The following SEC16A variants were observed in gnomAD, a reference collection of about 807,000 sequenced individuals.
SEC16A encodes SEC16 homolog A, endoplasmic reticulum export factor, also known as protein transport protein Sec16A.
Under a neutral mutation model 221.9 loss-of-function variants are expected in SEC16A, and 110 were observed. The ratio of observed to expected loss-of-function variants is 0.50; its 90% confidence interval spans 0.42 to 0.58. The LOEUF (loss-of-function observed/expected upper bound fraction) is 0.58, where lower values mean the gene tolerates loss of function less well. Among genes scored for constraint, SEC16A ranks in the 20% least tolerant of loss-of-function variants. The pLI, the probability that SEC16A is intolerant of heterozygous loss-of-function variation, is 0.00. For synonymous variants in SEC16A, 1,393 were observed against 1,257.7 expected (o/e 1.11, Z -2.28); for missense variants, 3,165 against 3,097.8 (o/e 1.02, Z -0.52).
Position 136,441,812 on chromosome 9 carries a change from G to C in SEC16A, c.7017C>G (p.Thr2339=). 1 of 1,613,066 alleles carries C rather than the reference G, an allele frequency of 6.2e-7. No individual in the cohort carries two copies. The highest frequency in any genetic ancestry group is 8.5e-7 in the Non-Finnish European group (1 of 1,179,742). The change falls in exon 32 of 32, where the codon ACC becomes ACG. Residue 2339 remains threonine (T), a synonymous_variant. Coordinates refer to ENST00000684901, the MANE Select transcript of SEC16A (RefSeq NM_014866.2). ...NPAQLAQACA[T]SGSSRLGRIG... ...TCCTCCCTAGCCTTGAGCTCCCGGAGGTGGCGCAGGCCTGGAATGAAATCA... is the reference window on the plus strand; with the variant it reads ...TCCTCCCTAGCCTTGAGCTCCCGGACGTGGCGCAGGCCTGGAATGAAATCA...
chr9:136,440,319 C>T lies in SEC16A; in HGVS notation c.*1436G>A, dbSNP rs1199336136. On this transcript the variant is annotated 3_prime_UTR_variant, in exon 32 of 32. Coordinates refer to ENST00000684901, the MANE Select transcript of SEC16A (RefSeq NM_014866.2). The stretch of plus-strand genomic sequence containing the variant: ...TGCCCCGTCACAGGGACTGGCCTTT[C>T]TCCAAGTGACAAGGACAAATGGATC... 1 of 152,390 alleles carries T rather than the reference C, an allele frequency of 6.6e-6. No individual in the cohort carries two copies. 9.4% of individuals were successfully genotyped at this position (152,390 alleles called of 1,614,324 possible).
intron 18 of SEC16A, 73 bp downstream of exon 18, chr9:136,457,371 C>G: frequency 6.7e-7 from 1 of 1,503,306 alleles, no homozygotes; most frequent in Non-Finnish European, 9.0e-7. Flanking sequence ...TACCCCCATG[C>G]CCGGGGGCTC....
In SEC16A at chr9:136,476,710, G is replaced by T; in HGVS notation, c.906C>A (p.Phe302Leu). The change falls in exon 3 of 32, where the codon TTC (phenylalanine) becomes TTA (leucine). Residue 302 changes from phenylalanine to leucine, a missense_variant. Around this residue, in one of 3 missense-constraint regions of SEC16A, gnomAD observed 2,030 missense variants for 1,923.1 expected, o/e 1.06. Coordinates refer to ENST00000684901, the MANE Select transcript of SEC16A (RefSeq NM_014866.2). ...GATTCACAATTCTGGGATTTTGCCT[G>T]AATGTACTTTCAGGATCAGAGTTAT... ...LANNSDPEST[F>L]RQNPRIVNHW... The T allele has an allele frequency of 6.3e-7, 1 of 1,587,346 alleles. No homozygotes were observed. The highest frequency in any genetic ancestry group is 8.6e-7 in the Non-Finnish European group (1 of 1,164,230).
chr9:136,471,265 G>A (rs778080027), intron 4 of SEC16A, among the ~76,000 whole-genome samples: 1 of 151,686 alleles, frequency 6.6e-6, no homozygotes, highest in African/African-American at 2.4e-5. Flanking sequence ...CCAGGAGTTC[G>A]AGACCAGCCT....
In SEC16A at chr9:136,446,278, G is replaced by GT. The variant is rs928844910; in HGVS notation, c.6793-560dup. On this transcript the variant is annotated intron_variant, in intron 28 of 31. Coordinates refer to ENST00000684901, the MANE Select transcript of SEC16A (RefSeq NM_014866.2). ...CCGCCACCACACCCAGGTAAATTTT[G>GT]TTTTTTTTTTAGTAGAGATGGGGTT... Among the ~76,000 whole-genome samples, 841 of 144,546 alleles carry GT rather than the reference G, an allele frequency of 5.8e-3. 2 individuals are homozygous for GT. The highest frequency in any genetic ancestry group is 0.018 in the East Asian group (89 of 5,000). 94.8% of individuals were successfully genotyped at this position (144,546 alleles called of 152,430 possible).
In SEC16A at chr9:136,459,243, T is replaced by C; in HGVS notation, c.5304-4A>G. ...TGCGAACTTTAAGAATGGCAAACTG[T>C]AGAGGAAGTGAATTATTTTGATTTG... On this transcript the variant is annotated splice_region_variant and splice_polypyrimidine_tract_variant and intron_variant, in intron 16 of 31. Coordinates refer to ENST00000684901, the MANE Select transcript of SEC16A (RefSeq NM_014866.2). The surrounding 1 kb of genome is among the most constrained non-coding windows in gnomAD (Gnocchi z 6.1). 6.2e-7 allele frequency: 1 copy of C among 1,609,848 alleles called. No homozygotes were observed. The highest frequency in any genetic ancestry group is 8.5e-7 in the Non-Finnish European group (1 of 1,178,178).
chr9:136,444,572 T>C (rs1349893258), intron 30 of SEC16A, among the ~76,000 whole-genome samples: 1 of 152,116 alleles, frequency 6.6e-6, no homozygotes, highest in African/African-American at 2.4e-5. Flanking sequence ...AGTTGCCCCA[T>C]GTATGTGGAG....
At position 136,475,829 on chromosome 9, in the gene SEC16A, G is replaced by A. The variant is rs985192687; in HGVS notation, c.1787C>T (p.Pro596Leu). The change falls in exon 3 of 32, where the codon CCC (proline) becomes CTC (leucine). Residue 596 changes from proline to leucine, a missense_variant. Physicochemically the swap from Pro to Leu is moderately conservative, Grantham distance 98 (BLOSUM62 -3). This residue lies in a region of SEC16A where 2,030 missense variants were observed against 1,923.1 expected (regional missense o/e 1.06). Coordinates refer to ENST00000684901, the MANE Select transcript of SEC16A (RefSeq NM_014866.2). This position sits in a 1 kb window ranked among gnomAD's most constrained non-coding sequence, Gnocchi z 5.0. ...GSVSQPSTPSPPKPTGIFQTS... is the reference protein window; with the variant it reads ...GSVSQPSTPSLPKPTGIFQTS... ...CTGAAATATTCCTGTAGGTTTCGGG[G>A]GGCTCGGGGTTGAGGGCTGGGACAC... 27 of 1,582,556 alleles carry A rather than the reference G, an allele frequency of 1.7e-5. No individual in the cohort carries two copies. The highest frequency in any genetic ancestry group is 2.7e-5 in the African/African-American group (2 of 74,228).
chr9:136,477,929 A>C (rs1478445932), intron 2 of SEC16A, among the ~76,000 whole-genome samples: 1 of 152,050 alleles, frequency 6.6e-6, no homozygotes, highest in Non-Finnish European at 1.5e-5. Context: ...GTATGTCTAG[A>C]TGGCCACTCC....
rs1410273629 is a variant in SEC16A, at chr9:136,457,449, C to A, written c.5545G>T (p.Val1849Leu). The A allele has an allele frequency of 6.2e-7, 1 of 1,602,966 alleles. No homozygotes were observed. The highest frequency in any genetic ancestry group is 8.5e-7 in the Non-Finnish European group (1 of 1,174,156). Residue 1849 changes from valine (V) to leucine (L), a missense_variant, in exon 18 of 32, where the codon GTG (valine) becomes TTG (leucine). Physicochemically the swap from Val to Leu is conservative, Grantham distance 32. Around this residue, in one of 3 missense-constraint regions of SEC16A, gnomAD observed 1,088 missense variants for 1,089.6 expected, o/e 1.00. Coordinates refer to ENST00000684901, the MANE Select transcript of SEC16A (RefSeq NM_014866.2). The stretch of plus-strand genomic sequence containing the variant: ...ACAGGCGCCAGGGGCAGCACCTGCA[C>A]AAGCTGGCTGATCAACACCGGGGAA... Reference protein sequence around the residue: ...LYSPVLISQLVQMASQLRLFD... With the variant: ...LYSPVLISQLLQMASQLRLFD...
In SEC16A at chr9:136,447,638, C is replaced by G. The variant is rs1335955741; in HGVS notation, c.6490G>C (p.Val2164Leu). 1.2e-6 allele frequency: 2 copies of G among 1,613,558 alleles called. No individual in the cohort carries two copies. The highest frequency in any genetic ancestry group is 2.2e-5 in the East Asian group (1 of 44,884). Reference sequence around the variant, plus strand: ...GGGAGGGCAGGCGGGGCAGCTTGCACAGTCTTGGGCATCGAGGTTGGAGGT... The same window carrying G: ...GGGAGGGCAGGCGGGGCAGCTTGCAGAGTCTTGGGCATCGAGGTTGGAGGT... ...PPPPTSMPKT[V>L]QAAPPALPGP... is the part of the protein sequence containing the mutation. Residue 2164 changes from valine (V) to leucine (L), a missense_variant, in exon 26 of 32, where the codon GTG becomes CTG. Physicochemically the swap from Val to Leu is conservative, Grantham distance 32 (BLOSUM62 1). Around this residue, in one of 3 missense-constraint regions of SEC16A, gnomAD observed 1,088 missense variants for 1,089.6 expected, o/e 1.00. Transcript: ENST00000684901. This position sits in a 1 kb window ranked among gnomAD's most constrained non-coding sequence, Gnocchi z 5.5.
Position 136,476,750 on chromosome 9 carries a change from C to T in SEC16A, c.866G>A (p.Gly289Glu). Residue 289 changes from glycine (G) to glutamate (E), a missense_variant, in exon 3 of 32, where the codon GGA (glycine) becomes GAA (glutamate). Gly to Glu is a moderately conservative substitution (Grantham distance 98). Around this residue, in one of 3 missense-constraint regions of SEC16A, gnomAD observed 2,030 missense variants for 1,923.1 expected, o/e 1.06. Coordinates refer to ENST00000684901, the MANE Select transcript of SEC16A (RefSeq NM_014866.2). ...ATCAGAGTTATTGGCCAGGTGGCTT[C>T]CACTTTGCAAGTGGCTCACCTCGTC... ...GRDEVSHLQS[G>E]SHLANNSDPE... The T allele has an allele frequency of 1.2e-6, 2 of 1,609,568 alleles. No homozygotes were observed.
chr9:136,443,983 TG>T, intron 30 of SEC16A, 83 bp from the exon 31 acceptor site: 1 of 914,522 alleles, frequency 1.1e-6, no homozygotes. Context: ...ACACCGCTTC[TG>T]GGTGGGATTT....
intron 1 of SEC16A, among the ~76,000 whole-genome samples, chr9:136,479,863 G>T (rs941925558): frequency 5.9e-5 from 9 of 151,860 alleles, no homozygotes; most frequent in Non-Finnish European, 1.3e-4. Flanking sequence ...AATGCCGGTC[G>T]TGGTGGTGCG....
At chr9:136,482,781 G>T (rs915550626) in intron 1 of SEC16A, among the ~76,000 whole-genome samples, 157 bp downstream of exon 1, 7 of 151,926 alleles carry the variant, frequency 4.6e-5, no homozygotes, top group Admixed American at 4.6e-4. Flanking sequence ...CTGTCCCCTC[G>T]ACCGGCCCCG....
Position 136,465,989 on chromosome 9 carries a change from C to A in SEC16A, c.4276G>T (p.Asp1426Tyr), listed in dbSNP as rs201779703. 3 of 1,613,050 alleles carry A rather than the reference C, an allele frequency of 1.9e-6. No homozygotes were observed. Among genetic ancestry groups the A allele is most frequent in the East Asian group, 2.2e-5 (1 of 44,876 alleles). The part of the protein sequence containing the change: ...PGFPEYGYPA[D>Y]TVWPAMEQVS... ...TGCTCCATGGCAGGCCAGACGGTGT[C>A]GGCAGGGTAGCCATACTCTGGGAAG... The change falls in exon 8 of 32, where the codon GAC becomes TAC. Residue 1426 changes from aspartate to tyrosine, a missense_variant. By Grantham distance (160) the Asp-to-Tyr change is radical. This residue lies in a region of SEC16A where 2,030 missense variants were observed against 1,923.1 expected (regional missense o/e 1.06). Coordinates refer to ENST00000684901, the MANE Select transcript of SEC16A (RefSeq NM_014866.2).
chr9:136,453,303 G>T (rs1838132515), intron 22 of SEC16A, 125 bp downstream of exon 22: 4 of 676,740 alleles, frequency 5.9e-6, no homozygotes, highest in Non-Finnish European at 1.0e-5. Context: ...TTCACTTTAA[G>T]AAACAATTTT....
intron 22 of SEC16A, 60 bp from the exon 23 acceptor site, chr9:136,451,468 G>A (rs1220762005): frequency 2.4e-5 from 36 of 1,518,376 alleles, no homozygotes; most frequent in Non-Finnish European, 3.0e-5. Flanking sequence ...CCGAAAGAGA[G>A]AGGGGGATGC....
Position 136,441,031 on chromosome 9 carries a change from G to T in SEC16A, c.*724C>A, listed in dbSNP as rs1056707694. ...TTCCCAGTGACTGGGCCACACGGTG[G>T]GCAGTCCCCAGCGCTTTGGGTACAC... is the stretch of plus-strand genomic sequence containing the variant. On this transcript the variant is annotated 3_prime_UTR_variant, in exon 32 of 32. Coordinates refer to ENST00000684901, the MANE Select transcript of SEC16A (RefSeq NM_014866.2). 24 of 152,358 alleles carry T rather than the reference G, an allele frequency of 1.6e-4. No individual in the cohort carries two copies. Among genetic ancestry groups the T allele is most frequent in the Admixed American group, 1.3e-3 (20 of 15,280 alleles). 9.4% of individuals were successfully genotyped at this position (152,358 alleles called of 1,614,324 possible). A position where few individuals can be genotyped will look rare whatever the true frequency, so the allele number is the denominator to read the frequency against.
Sources: allele counts gnomAD v4.1 joint callset (sites outside exome capture counted in the v4.1 genomes callset), GRCh38; gene constraint gnomAD v4.1.1; regional missense constraint gnomAD v4.1.1; non-coding constraint Gnocchi (gnomAD v3.1); transcripts MANE v1.5; gene names NCBI Gene and HGNC (gene_info 2026-07-23, HGNC 2026-07-21).